The following PKHD1L1 variants were observed in gnomAD, a reference collection of about 807,000 sequenced individuals.
The protein encoded by PKHD1L1 is fibrocystin-L.
In PKHD1L1, 434 loss-of-function variants were observed where a neutral mutation model predicts 462.9. The ratio of observed to expected loss-of-function variants is 0.94; its 90% CI spans 0.87 to 1.02. PKHD1L1 has a LOEUF of 1.02. PKHD1L1 is among the 50% of genes least tolerant of loss of function. The probability of loss-of-function intolerance (pLI) is 0.00; values close to 1 mark genes in which losing one functional copy is unlikely to be tolerated. For synonymous variants in PKHD1L1, 1,781 were observed against 1,750.0 expected (o/e 1.02, Z -0.44); for missense variants, 5,202 against 5,096.1 (o/e 1.02, Z -0.63).
At chr8:109,366,849 C>T (rs1811259066) in intron 2 of PKHD1L1, among the ~76,000 whole-genome samples, 1 of 152,012 alleles carries the variant, frequency 6.6e-6, no homozygotes, top group African/African-American at 2.4e-5. Context: ...CCTGCCACCA[C>T]ATCTGGCTAA....
chr8:109,404,456 C>T (rs75182450), intron 14 of PKHD1L1, 98 bp from the exon 15 acceptor site: 4 of 678,966 alleles, frequency 5.9e-6, no homozygotes, highest in African/African-American at 1.9e-5. Context: ...ATTTAACAGG[C>T]AGGCTTTTAA....
At position 109,465,110 on chromosome 8, in the gene PKHD1L1, T is replaced by C. The variant is rs1817365412; in HGVS notation, c.8278T>C (p.Ser2760Pro). The change falls in exon 49 of 78, where the codon TCT becomes CCT. Residue 2760 changes from serine (S) to proline (P), a missense_variant. Coordinates refer to ENST00000378402, the MANE Select transcript of PKHD1L1 (RefSeq NM_177531.6). ...TGTAGCTTTGGGAGTGACATCCATC[T>C]CTGGAGTTTGTAATGACAGATGTGG... ...NCVALGVTSI[S>P]GVCNDRCGGW... The C allele has an allele frequency of 6.2e-7, 1 of 1,613,832 alleles. No individual in the cohort carries two copies. Among genetic ancestry groups the C allele is most frequent in the Non-Finnish European group, 8.5e-7 (1 of 1,179,786 alleles).
At chr8:109,417,494 C>A (rs952934672) in intron 21 of PKHD1L1, among the ~76,000 whole-genome samples, 1 of 149,866 alleles carries the variant, frequency 6.7e-6, no homozygotes, top group Non-Finnish European at 1.5e-5. Context: ...AAAATAACAG[C>A]GTTCCCTTGA....
intron 49 of PKHD1L1, among the ~76,000 whole-genome samples, 197 bp downstream of exon 49, chr8:109,465,442 G>A (rs1817388146): frequency 6.6e-6 from 1 of 152,126 alleles, no homozygotes; most frequent in African/African-American, 2.4e-5. Context: ...ATCTGTCAGA[G>A]ACAGCCTCCA....
At chr8:109,425,864 A>G (rs563075724) in intron 24 of PKHD1L1, among the ~76,000 whole-genome samples, 5 of 152,264 alleles carry the variant, frequency 3.3e-5, no homozygotes, top group African/African-American at 1.2e-4. Context: ...ATAACATTTG[A>G]ATATAAGGGA....
intron 50 of PKHD1L1, among the ~76,000 whole-genome samples, chr8:109,472,637 A>T (rs1673392): frequency 0.29 from 43,961 of 151,998 alleles, 6,964 homozygotes; most frequent in East Asian, 0.43. Flanking sequence ...GTGTTGAATT[A>T]AATGGAATTA....
Position 109,429,356 on chromosome 8 carries a change from T to C in PKHD1L1, c.3017T>C (p.Ile1006Thr), listed in dbSNP as rs962006606. ...TAAAAATAGATTAATGATTCCAACA[T>C]TATTGGAGAAAAGGCTAATATGACA... The part of the protein sequence containing the change: ...QNLLQINDSN[I>T]IGEKANMTVT... Residue 1006 changes from isoleucine to threonine, a missense_variant, in exon 26 of 78, where the codon ATT becomes ACT. By Grantham distance (89) the Ile-to-Thr change is moderately conservative (BLOSUM62 -1). Around this residue, in one of 3 missense-constraint regions of PKHD1L1, gnomAD observed 4,497 missense variants for 4,336.8 expected, o/e 1.04. Transcript: ENST00000378402. The C allele has an allele frequency of 2.0e-6, 3 of 1,526,488 alleles. No homozygotes were observed. The highest frequency in any genetic ancestry group is 1.7e-4 in the Middle Eastern group (1 of 5,934). The allele number at this position is 1,526,488 out of a possible 1,614,324, so 94.6% of individuals were successfully genotyped here.
At position 109,390,382 on chromosome 8, in the gene PKHD1L1, T is replaced by G. The variant is rs372701084; in HGVS notation, c.698-70T>G. On this transcript the variant is annotated intron_variant, in intron 8 of 77. Coordinates refer to ENST00000378402, the MANE Select transcript of PKHD1L1 (RefSeq NM_177531.6). The stretch of plus-strand genomic sequence containing the variant: ...CTTTTTCTCTGCTTTTAAATCAGCT[T>G]TATAATATAGAGTTATTGTTCTTCT... 88 of 843,492 alleles carry G rather than the reference T, an allele frequency of 1.0e-4. No individual in the cohort carries two copies. The African/African-American group carries it at 1.3e-3, about 12-fold the overall frequency. 52.3% of individuals were successfully genotyped at this position (843,492 alleles called of 1,614,324 possible).
At chr8:109,479,787 C>T in intron 54 of PKHD1L1, 148 bp downstream of exon 54, 1 of 828,160 alleles carries the variant, frequency 1.2e-6, no homozygotes, top group Non-Finnish European at 1.8e-6. Context: ...GGATACTAAA[C>T]CTAGCCTTCT....
chr8:109,363,870 G>A (rs1327952326), intron 1 of PKHD1L1, among the ~76,000 whole-genome samples: 1 of 152,156 alleles, frequency 6.6e-6, no homozygotes, highest in Non-Finnish European at 1.5e-5. Context: ...AGGCACCCGT[G>A]GCCTCTATGC....
At chr8:109,521,745 A>G (rs888060867) in intron 73 of PKHD1L1, among the ~76,000 whole-genome samples, 1 of 152,200 alleles carries the variant, frequency 6.6e-6, no homozygotes, top group East Asian at 1.9e-4. Flanking sequence ...TAATAACTTT[A>G]GCAACTAGTA....
chr8:109,422,649 T>C (rs1412479456), intron 23 of PKHD1L1, among the ~76,000 whole-genome samples: 5 of 152,220 alleles, frequency 3.3e-5, no homozygotes. Context: ...TTCTTGGTTT[T>C]GGCTATTATG....
chr8:109,414,389 A>G (rs1262460162), intron 21 of PKHD1L1, among the ~76,000 whole-genome samples: 1 of 152,198 alleles, frequency 6.6e-6, no homozygotes, highest in East Asian at 1.9e-4. Context: ...CTGAAGACAT[A>G]GAACATTTTC....
intron 49 of PKHD1L1, 146 bp from the exon 50 acceptor site, chr8:109,466,432 C>T (rs1783142): frequency 0.52 from 383,003 of 734,136 alleles, 101,968 homozygotes; most frequent in South Asian, 0.68. Context: ...GATCCTCTTG[C>T]TCCATGCAAA....
At chr8:109,442,592 A>G (rs1220311444) in intron 35 of PKHD1L1, among the ~76,000 whole-genome samples, 1 of 152,064 alleles carries the variant, frequency 6.6e-6, no homozygotes, top group African/African-American at 2.4e-5. Context: ...TGCCTTTTAG[A>G]TTGTCTGTTT....
At chr8:109,479,400 G>A (rs1818158321) in intron 53 of PKHD1L1, 151 bp from the exon 54 acceptor site, 1 of 591,828 alleles carries the variant, frequency 1.7e-6, no homozygotes, top group South Asian at 2.1e-5. Flanking sequence ...ATAGCACCAT[G>A]TGTCAAGGGT....
At chr8:109,363,720 G>T (rs976008036) in intron 1 of PKHD1L1, among the ~76,000 whole-genome samples, 11 of 152,154 alleles carry the variant, frequency 7.2e-5, no homozygotes, top group African/African-American at 2.7e-4. Context: ...TGCCCGGGCA[G>T]TTCCCTCTAT....
intron 50 of PKHD1L1, chr8:109,470,520 G>C (rs557481212): frequency 1.7e-5 from 27 of 1,610,798 alleles, no homozygotes; most frequent in Non-Finnish European, 8.5e-7. Flanking sequence ...AAAGGGAAAA[G>C]AAGCAGGGAT....
intron 63 of PKHD1L1, among the ~76,000 whole-genome samples, chr8:109,496,318 G>T (rs1819084294): frequency 6.6e-6 from 1 of 152,180 alleles, no homozygotes; most frequent in Non-Finnish European, 1.5e-5. Flanking sequence ...GTATTATATT[G>T]TATCAGGTAT....
Sources: allele counts gnomAD v4.1 joint callset (sites outside exome capture counted in the v4.1 genomes callset), GRCh38; gene constraint gnomAD v4.1.1; regional missense constraint gnomAD v4.1.1; transcripts MANE v1.5; gene names NCBI Gene and HGNC (gene_info 2026-07-23, HGNC 2026-07-21).